HS3ST5: variants seen among roughly 807,000 people sequenced by gnomAD.
The protein encoded by HS3ST5 is heparan sulfate-glucosamine 3-sulfotransferase 5, also known as heparan sulfate glucosamine 3-O-sulfotransferase 5.
In HS3ST5, 10 loss-of-function variants were observed where a neutral mutation model predicts 25.4. The observed-to-expected ratio is 0.39, with a 90% CI of 0.24 to 0.67. HS3ST5 has a LOEUF of 0.67. Ranked by LOEUF, HS3ST5 falls within the 30% of genes least tolerant of loss-of-function variation. The probability of loss-of-function intolerance (pLI) is 0.44; values close to 1 mark genes in which losing one functional copy is unlikely to be tolerated. For missense variants in HS3ST5, 324 were observed against 420.7 expected (o/e 0.77, Z 2.01); for synonymous variants, 170 against 162.4 (o/e 1.05, Z -0.36).
At chr6:114,300,690 C>T (rs1318434334) in intron 1 of HS3ST5, among the ~76,000 whole-genome samples, 1 of 152,166 alleles carries the variant, frequency 6.6e-6, no homozygotes, top group Non-Finnish European at 1.5e-5. Flanking sequence ...TGTCCACACA[C>T]ACAAACGTGT....
At chr6:114,145,796 G>A (rs993219869) in intron 3 of HS3ST5, among the ~76,000 whole-genome samples, 39 of 152,188 alleles carry the variant, frequency 2.6e-4, no homozygotes, top group African/African-American at 9.4e-4. Context: ...GAACACAGCT[G>A]TCTGCCCCTA....
chr6:114,205,937 C>G (rs1781259468), intron 2 of HS3ST5, among the ~76,000 whole-genome samples: 1 of 152,128 alleles, frequency 6.6e-6, no homozygotes, highest in Non-Finnish European at 1.5e-5. Context: ...CCCTACGATT[C>G]ACCTCCTGCT....
At chr6:114,196,883 A>AT (rs945576670) in intron 2 of HS3ST5, among the ~76,000 whole-genome samples, 6 of 151,606 alleles carry the variant, frequency 4.0e-5, no homozygotes, top group Non-Finnish European at 8.8e-5. Context: ...AATGGAAAAA[A>AT]AAATAAACAT....
At chr6:114,080,538 T>G (rs1413918432) in intron 3 of HS3ST5, among the ~76,000 whole-genome samples, 2 of 152,224 alleles carry the variant, frequency 1.3e-5, no homozygotes, top group African/African-American at 4.8e-5. Context: ...TCAACCTAGG[T>G]GCCCATCAGT....
At chr6:114,243,038 TA>T (rs958532340) in intron 1 of HS3ST5, among the ~76,000 whole-genome samples, 2 of 152,188 alleles carry the variant, frequency 1.3e-5, no homozygotes, top group African/African-American at 2.4e-5. Flanking sequence ...CTCTCTGGGT[TA>T]ACTGGCTTAT....
chr6:114,056,336 G>C lies in HS3ST5; in HGVS notation c.*921C>G, dbSNP rs1286535473. The C allele has an allele frequency of 6.6e-6, 1 of 151,564 alleles. No homozygotes were observed. Among genetic ancestry groups the C allele is most frequent in the Non-Finnish European group, 1.5e-5 (1 of 67,938 alleles). 9.4% of individuals were successfully genotyped at this position (151,564 alleles called of 1,614,324 possible). On this transcript the variant is annotated 3_prime_UTR_variant, in exon 5 of 5. Coordinates refer to ENST00000312719, the MANE Select transcript of HS3ST5 (RefSeq NM_153612.4). The stretch of plus-strand genomic sequence containing the variant: ...ACTTCATAAATACATTTTCACTGGG[G>C]TACAGAAATCCAGCAGGGAAGCACA...
At position 114,287,053 on chromosome 6, in the gene HS3ST5, C is replaced by T. The variant is rs1774370526; in HGVS notation, c.-339+55142G>A. Among the ~76,000 whole-genome samples, 4 of 151,818 alleles carry T rather than the reference C, an allele frequency of 2.6e-5. 1 individual carries two copies. Among genetic ancestry groups the T allele is most frequent in the African/African-American group, 9.7e-5 (4 of 41,348 alleles). ...TGTCTTGTATAAATTAGTGTACTCG[C>T]CTTTTTTCTTCTTATTTGAATAACA... On this transcript the variant is annotated intron_variant, in intron 1 of 4. Transcript: ENST00000312719.
At chr6:114,224,799 G>A (rs184451721) in intron 2 of HS3ST5, among the ~76,000 whole-genome samples, 49 of 150,922 alleles carry the variant, frequency 3.2e-4, no homozygotes, top group Admixed American at 2.1e-3. Context: ...ATACTTTTAT[G>A]TTCTATTACA....
intron 1 of HS3ST5, among the ~76,000 whole-genome samples, chr6:114,279,612 C>T (rs1774014996): frequency 6.6e-6 from 1 of 151,976 alleles, no homozygotes; most frequent in Non-Finnish European, 1.5e-5. Context: ...TGAAGGCTGT[C>T]CCCATTTTAT....
chr6:114,342,208 G>T lies in HS3ST5; in HGVS notation c.-352C>A. On this transcript the variant is annotated 5_prime_UTR_variant, in exon 1 of 5. Coordinates refer to ENST00000312719, the MANE Select transcript of HS3ST5 (RefSeq NM_153612.4). The stretch of plus-strand genomic sequence containing the variant: ...CGCCTTGCTCACCGTGGTCCCCGGC[G>T]GTGGCGGCGCGGGCGGGAGCCTCAG... The T allele has an allele frequency of 6.5e-6, 1 of 152,988 alleles. No individual in the cohort carries two copies. 9.5% of individuals were successfully genotyped at this position (152,988 alleles called of 1,614,324 possible).
intron 3 of HS3ST5, among the ~76,000 whole-genome samples, chr6:114,118,412 GACCAGTGATTCTCA>G (rs1231696244): frequency 3.9e-5 from 6 of 152,166 alleles, no homozygotes; most frequent in Admixed American, 1.3e-4. Flanking sequence ...CTTTCTTGGA[GACCAGTGATTCTCA>G]AACACTTTAT....
chr6:114,203,309 T>G (rs2037336), intron 2 of HS3ST5, among the ~76,000 whole-genome samples: 32,927 of 152,052 alleles, frequency 0.22, 3,674 homozygotes, highest in Middle Eastern at 0.26. Context: ...TTGGTTAGCT[T>G]TAACACAAAG....
chr6:114,254,350 AT>A (rs1424182114), intron 1 of HS3ST5, among the ~76,000 whole-genome samples: 2 of 152,266 alleles, frequency 1.3e-5, no homozygotes, highest in Non-Finnish European at 2.9e-5. Context: ...AATAGTATTA[AT>A]ATAATCTGTT....
chr6:114,284,835 T>C (rs1693709454), intron 1 of HS3ST5, among the ~76,000 whole-genome samples: 1 of 151,670 alleles, frequency 6.6e-6, no homozygotes, highest in Admixed American at 6.6e-5. Flanking sequence ...CAGTACTAAA[T>C]CTGAGAAGAA....
intron 3 of HS3ST5, among the ~76,000 whole-genome samples, chr6:114,154,357 G>A (rs1179983444): frequency 6.6e-6 from 1 of 152,080 alleles, no homozygotes; most frequent in Non-Finnish European, 1.5e-5. Context: ...GAGAAGCAAG[G>A]TGGTAAAATT....
chr6:114,106,514 T>C (rs999175705), intron 3 of HS3ST5, among the ~76,000 whole-genome samples: 1 of 152,088 alleles, frequency 6.6e-6, no homozygotes, highest in Admixed American at 6.6e-5. Context: ...AATGGGCACA[T>C]ATCCATACTT....
chr6:114,255,445 C>A (rs1772862953), intron 1 of HS3ST5, among the ~76,000 whole-genome samples: 1 of 152,144 alleles, frequency 6.6e-6, no homozygotes, highest in Non-Finnish European at 1.5e-5. Flanking sequence ...GGTGGATCTA[C>A]CATGCTGGGG....
chr6:114,175,121 G>C (rs1779667073), intron 2 of HS3ST5, among the ~76,000 whole-genome samples: 1 of 152,186 alleles, frequency 6.6e-6, no homozygotes, highest in African/African-American at 2.4e-5. Context: ...TTGATGTATT[G>C]AAAGGGGCAG....
intron 3 of HS3ST5, among the ~76,000 whole-genome samples, chr6:114,097,507 C>T (rs181105820): frequency 6.6e-5 from 10 of 151,942 alleles, no homozygotes; most frequent in Non-Finnish European, 1.0e-4. Flanking sequence ...TGTTTCCATG[C>T]TTTCAAATAT....
Sources: allele counts gnomAD v4.1 joint callset (sites outside exome capture counted in the v4.1 genomes callset), GRCh38; gene constraint gnomAD v4.1.1; transcripts MANE v1.5; gene names NCBI Gene and HGNC (gene_info 2026-07-23, HGNC 2026-07-21).